OSBPL3: variants seen among roughly 807,000 people sequenced by gnomAD.
The protein encoded by OSBPL3 is oxysterol binding protein like 3, also known as oxysterol-binding protein-related protein 3.
In OSBPL3, 65 loss-of-function variants were observed where a neutral mutation model predicts 120.1. The ratio of observed to expected loss-of-function variants is 0.54; its 90% CI spans 0.44 to 0.67. The LOEUF (loss-of-function observed/expected upper bound fraction) is 0.67. Among genes scored for constraint, OSBPL3 ranks in the 30% least tolerant of loss-of-function variants. The probability of loss-of-function intolerance (pLI) is 0.00; values close to 1 mark genes in which losing one functional copy is unlikely to be tolerated. For missense variants in OSBPL3, 1,004 were observed against 1,082.1 expected (o/e 0.93, Z 1.01); for synonymous variants, 416 against 402.6 (o/e 1.03, Z -0.40).
chr7:24,955,587 G>A lies in OSBPL3; in HGVS notation c.-150+24299C>T, dbSNP rs1171504807. ...TCTTTTTTCAGGTTTCTGCTCAAAT[G>A]TCACCTTATCAGAGAGGCCTTTGGC... On this transcript the variant is annotated intron_variant, in intron 1 of 22. Coordinates refer to ENST00000313367, the MANE Select transcript of OSBPL3 (RefSeq NM_015550.4). This position sits in a 1 kb window ranked among gnomAD's most constrained non-coding sequence, Gnocchi z 4.3. 6.6e-6 allele frequency among the ~76,000 whole-genome samples: 1 copy of A among 152,170 alleles called. No homozygotes were observed. The highest frequency in any genetic ancestry group is 1.5e-5 in the Non-Finnish European group (1 of 68,040).
At chr7:24,928,754 G>A (rs1811414679) in intron 1 of OSBPL3, among the ~76,000 whole-genome samples, 1 of 152,040 alleles carries the variant, frequency 6.6e-6, no homozygotes, top group African/African-American at 2.4e-5. Flanking sequence ...TGTATTAATG[G>A]AATCATACAG....
chr7:24,952,757 ATC>A lies in OSBPL3; in HGVS notation c.-150+27127_-150+27128del, dbSNP rs1389113215. On this transcript the variant is annotated intron_variant, in intron 1 of 22. Transcript: ENST00000313367. This position sits in a 1 kb window ranked among gnomAD's most constrained non-coding sequence, Gnocchi z 4.4. Reference sequence around the variant, plus strand: ...TACCAATATGCAAACCATCAGCTGAATCTATAAACAAGAGTACCATCAAGGTT... The same window carrying A: ...TACCAATATGCAAACCATCAGCTGAATATAAACAAGAGTACCATCAAGGTT... Among the ~76,000 whole-genome samples, 5 of 152,302 alleles carry A rather than the reference ATC, an allele frequency of 3.3e-5. No homozygotes were observed. The East Asian group carries it at 9.6e-4, about 29-fold the overall frequency.
In OSBPL3 at chr7:24,862,427, T is replaced by A. The variant is rs147871941; in HGVS notation, c.871-658A>T. Among the ~76,000 whole-genome samples, 470 of 152,326 alleles carry A rather than the reference T, an allele frequency of 3.1e-3. 4 individuals carry two copies. Among genetic ancestry groups the A allele is most frequent in the African/African-American group, 0.011 (453 of 41,570 alleles). On this transcript the variant is annotated intron_variant, in intron 9 of 22. Transcript: ENST00000313367. The surrounding 1 kb of genome is among the most constrained non-coding windows in gnomAD (Gnocchi z 4.4). ...ATCCATGTATCCAGGCGGTTAGTAA[T>A]GGATAGGTTTAAAATGCTTTTCTTT...
chr7:24,820,126 G>T lies in OSBPL3; in HGVS notation c.1948+49C>A. The T allele has an allele frequency of 1.6e-6, 2 of 1,276,266 alleles. No individual in the cohort carries two copies. Among genetic ancestry groups the T allele is most frequent in the Non-Finnish European group, 1.1e-6 (1 of 883,944 alleles). The allele number at this position is 1,276,266 out of a possible 1,614,324, so 79.1% of individuals were successfully genotyped here. A position where few individuals can be genotyped will look rare whatever the true frequency, so the allele number is the denominator to read the frequency against. ...CAGCAATTCTTGGATAAAATAAATA[G>T]ATAACATATTACACAATATGATGGA... On this transcript the variant is annotated intron_variant, in intron 17 of 22. Transcript: ENST00000313367. This position sits in a 1 kb window ranked among gnomAD's most constrained non-coding sequence, Gnocchi z 4.6.
chr7:24,878,327 G>C (rs1163069114), intron 2 of OSBPL3, among the ~76,000 whole-genome samples: 1 of 152,210 alleles, frequency 6.6e-6, no homozygotes, highest in Non-Finnish European at 1.5e-5. Flanking sequence ...TTTTGTGGTT[G>C]CCTCTATCAG....
rs892575529 is a variant in OSBPL3, at chr7:24,819,668, C to T, written c.1948+507G>A. Among the ~76,000 whole-genome samples the T allele has an allele frequency of 6.6e-6, 1 of 151,884 alleles. No individual in the cohort carries two copies. The highest frequency in any genetic ancestry group is 1.5e-5 in the Non-Finnish European group (1 of 68,010). On this transcript the variant is annotated intron_variant, in intron 17 of 22. Transcript: ENST00000313367. The surrounding 1 kb of genome is among the most constrained non-coding windows in gnomAD (Gnocchi z 4.1). ...ATGCTTATATGTTCCTTCTACAGTA[C>T]ACTTTTTTTTAATAAATTGAGAGAT...
At chr7:24,857,597 T>C (rs1038297762) in intron 10 of OSBPL3, among the ~76,000 whole-genome samples, 1 of 152,220 alleles carries the variant, frequency 6.6e-6, no homozygotes, top group East Asian at 1.9e-4. Context: ...TGAAGTCAAA[T>C]TTCCACAGCT....
Position 24,804,561 on chromosome 7 carries a change from GC to G in OSBPL3, c.2445-125del. 1.3e-6 allele frequency: 1 copy of G among 799,274 alleles called. No individual in the cohort carries two copies. The allele number at this position is 799,274 out of a possible 1,614,324, so 49.5% of individuals were successfully genotyped here. A position where few individuals can be genotyped will look rare whatever the true frequency, so the allele number is the denominator to read the frequency against. ...AATCCTCTCCTATACGTAAGACCCCGCCCCAACCGTTTAATCCGTATCTTGA... is the reference window on the plus strand; with the variant it reads ...AATCCTCTCCTATACGTAAGACCCCGCCCAACCGTTTAATCCGTATCTTGA... On this transcript the variant is annotated intron_variant, in intron 21 of 22. Coordinates refer to ENST00000313367, the MANE Select transcript of OSBPL3 (RefSeq NM_015550.4). The surrounding 1 kb of genome is among the most constrained non-coding windows in gnomAD (Gnocchi z 5.4).
rs1265175087 is a variant in OSBPL3 at position 24,936,789 on chromosome 7, T to C, written c.-150+43097A>G. ...TGATAAAAGTTTGCCTGCATTATCCTATATGCAGTAGGAAACTCAAAGGCT... is the reference window on the plus strand; with the variant it reads ...TGATAAAAGTTTGCCTGCATTATCCCATATGCAGTAGGAAACTCAAAGGCT... On this transcript the variant is annotated intron_variant, in intron 1 of 22. Coordinates refer to ENST00000313367, the MANE Select transcript of OSBPL3 (RefSeq NM_015550.4). The surrounding 1 kb of genome is among the most constrained non-coding windows in gnomAD (Gnocchi z 4.2). Among the ~76,000 whole-genome samples the C allele has an allele frequency of 6.6e-6, 1 of 152,224 alleles. No homozygotes were observed. The highest frequency in any genetic ancestry group is 1.5e-5 in the Non-Finnish European group (1 of 68,032).
rs537728868 is a variant in OSBPL3, at chr7:24,881,146, A to T, written c.97-9077T>A. Among the ~76,000 whole-genome samples, 1 of 152,254 alleles carries T rather than the reference A, an allele frequency of 6.6e-6. No individual in the cohort carries two copies. The highest frequency in any genetic ancestry group is 1.5e-5 in the Non-Finnish European group (1 of 68,042). On this transcript the variant is annotated intron_variant, in intron 2 of 22. Coordinates refer to ENST00000313367, the MANE Select transcript of OSBPL3 (RefSeq NM_015550.4). This position sits in a 1 kb window ranked among gnomAD's most constrained non-coding sequence, Gnocchi z 4.3. Reference sequence around the variant, plus strand: ...GCTAATTGAAATTTGCAATCAAAGCAGAGATACATTCTGACTAATCAACAC... The same window carrying T: ...GCTAATTGAAATTTGCAATCAAAGCTGAGATACATTCTGACTAATCAACAC...
chr7:24,906,401 T>C (rs1807922448), intron 1 of OSBPL3: 2 of 266,714 alleles, frequency 7.5e-6, no homozygotes, highest in Non-Finnish European at 1.5e-5. Flanking sequence ...AGGCAGAGAA[T>C]GGAGTAGGAG....
upstream of OSBPL3, among the ~76,000 whole-genome samples, chr7:24,980,945 G>A (rs73691293): frequency 1.3e-5 from 2 of 152,068 alleles, no homozygotes; most frequent in East Asian, 1.9e-4. Flanking sequence ...ACGAATGCAA[G>A]CAGCTGATGG....
intron 22 of OSBPL3, among the ~76,000 whole-genome samples, chr7:24,801,919 G>A (rs2128093058): frequency 6.6e-6 from 1 of 152,292 alleles, no homozygotes; most frequent in South Asian, 2.1e-4. Context: ...CCCCACTGAT[G>A]GGTACTTAGG....
At chr7:24,944,413 G>A (rs1813464996) in intron 1 of OSBPL3, among the ~76,000 whole-genome samples, 1 of 152,082 alleles carries the variant, frequency 6.6e-6, no homozygotes, top group South Asian at 2.1e-4. Flanking sequence ...CAGATCGGAA[G>A]GTCAGGAGTT....
In OSBPL3 at chr7:24,892,526, G is replaced by C; in HGVS notation, c.-54C>G. 1 of 1,589,578 alleles carries C rather than the reference G, an allele frequency of 6.3e-7. No homozygotes were observed. The highest frequency in any genetic ancestry group is 8.6e-7 in the Non-Finnish European group (1 of 1,162,008). ...ATCAAAATGCCATCAGATGACAAGG[G>C]AGCCGAGAGTATGGAAGTCCCCAGT... On this transcript the variant is annotated 5_prime_UTR_variant, in exon 2 of 23. Coordinates refer to ENST00000313367, the MANE Select transcript of OSBPL3 (RefSeq NM_015550.4).
Position 24,849,246 on chromosome 7 carries a change from T to G in OSBPL3, c.1159-70A>C. The G allele has an allele frequency of 5.0e-5, 53 of 1,064,358 alleles. No homozygotes were observed. Among genetic ancestry groups the G allele is most frequent in the Non-Finnish European group, 6.7e-5 (47 of 701,982 alleles). The allele number at this position is 1,064,358 out of a possible 1,614,324, so 65.9% of individuals were successfully genotyped here. A position where few individuals can be genotyped will look rare whatever the true frequency, so the allele number is the denominator to read the frequency against. ...TTCAGAAAAGCACAGCAGTGGGCCC[T>G]GCAGGAGCGATCTCTAAGAGCTTGA... On this transcript the variant is annotated intron_variant, in intron 11 of 22. Coordinates refer to ENST00000313367, the MANE Select transcript of OSBPL3 (RefSeq NM_015550.4). The surrounding 1 kb of genome is among the most constrained non-coding windows in gnomAD (Gnocchi z 5.4).
chr7:24,837,094 CAA>C (rs1797097991), intron 14 of OSBPL3, among the ~76,000 whole-genome samples: 1 of 152,208 alleles, frequency 6.6e-6, no homozygotes, highest in Non-Finnish European at 1.5e-5. Flanking sequence ...CTCAGCCTCC[CAA>C]AGTCCTGGGA....
At position 24,929,181 on chromosome 7, in the gene OSBPL3, A is replaced by C. The variant is rs113738437; in HGVS notation, c.-149-36560T>G. ...AGTCTTTTACATTTTAGTCATGCTG[A>C]TGGGTGTGCAGGTGTGCCTCACTGT... On this transcript the variant is annotated intron_variant, in intron 1 of 22. Transcript: ENST00000313367. Among the ~76,000 whole-genome samples, 1,195 of 152,268 alleles carry C rather than the reference A, an allele frequency of 7.8e-3. 18 individuals are homozygous for C. Among genetic ancestry groups the C allele is most frequent in the African/African-American group, 0.028 (1,147 of 41,550 alleles).
chr7:24,827,258 G>T lies in OSBPL3; in HGVS notation c.1884+3510C>A, dbSNP rs747986168. Among the ~76,000 whole-genome samples, 20 of 152,256 alleles carry T rather than the reference G, an allele frequency of 1.3e-4. No homozygotes were observed. Among genetic ancestry groups the T allele is most frequent in the Admixed American group, 5.2e-4 (8 of 15,288 alleles). On this transcript the variant is annotated intron_variant, in intron 16 of 22. Transcript: ENST00000313367. The surrounding 1 kb of genome is among the most constrained non-coding windows in gnomAD (Gnocchi z 5.1). Reference sequence around the variant, plus strand: ...GAGTCATGCTGTCTCCATCAAGGTAGACTGTCTCCTGGGCTGGAGGCAGAA... The same window carrying T: ...GAGTCATGCTGTCTCCATCAAGGTATACTGTCTCCTGGGCTGGAGGCAGAA...
Sources: allele counts gnomAD v4.1 joint callset (sites outside exome capture counted in the v4.1 genomes callset), GRCh38; gene constraint gnomAD v4.1.1; non-coding constraint Gnocchi (gnomAD v3.1); transcripts MANE v1.5; gene names NCBI Gene and HGNC (gene_info 2026-07-23, HGNC 2026-07-21).